Variants in TBC1D32 observed in about 807,000 individuals in gnomAD.
TBC1D32 encodes TBC1 domain family member 32.
Under a neutral mutation model 170.3 loss-of-function variants are expected in TBC1D32, and 151 were observed. That is an observed-to-expected ratio of 0.89 (90% confidence interval 0.78 to 1.01). TBC1D32 has a LOEUF of 1.01. TBC1D32 is among the 50% of genes least tolerant of loss of function. The pLI is 0.00. For synonymous variants in TBC1D32, 498 were observed against 488.0 expected (o/e 1.02, Z -0.27); for missense variants, 1,464 against 1,457.1 (o/e 1.00, Z -0.08).
rs537726751 is a variant in TBC1D32, at chr6:121,264,544, A to T, written c.1734-8259T>A. The stretch of plus-strand genomic sequence containing the variant: ...TATTCCTAACAATTAAAAGGAAGGG[A>T]TTCCTTCCTAACTCATTTTATGAGG... On this transcript the variant is annotated intron_variant, in intron 15 of 31. Coordinates refer to ENST00000398212, the MANE Select transcript of TBC1D32 (RefSeq NM_152730.6). 8.5e-4 allele frequency among the ~76,000 whole-genome samples: 129 copies of T among 152,230 alleles called. 2 individuals are homozygous for T. The highest frequency in any genetic ancestry group is 2.9e-5 in the Non-Finnish European group (2 of 68,002).
chr6:121,103,254 A>G (rs1275076544), intron 30 of TBC1D32, among the ~76,000 whole-genome samples: 3 of 152,128 alleles, frequency 2.0e-5, no homozygotes, highest in Admixed American at 1.3e-4. Context: ...AAAGGATTAT[A>G]AATCATGCTG....
intron 15 of TBC1D32, among the ~76,000 whole-genome samples, chr6:121,276,880 C>T (rs1053978434): frequency 6.6e-6 from 1 of 152,054 alleles, no homozygotes; most frequent in African/African-American, 2.4e-5. Flanking sequence ...TGTGTATGCA[C>T]CTAACAACAA....
Position 121,317,595 on chromosome 6 carries a change from T to A in TBC1D32, c.395A>T (p.Asp132Val), listed in dbSNP as rs749416628. ...CTGCCTTTCTTGATTTCGTGTCTCA[T>A]CTTCTTCAAACTTGTTAATCATAGA... The part of the protein sequence containing the change: ...VESMINKFEE[D>V]ETRNQERQKK... Residue 132 changes from aspartate to valine, a missense_variant, in exon 3 of 32, where the codon GAT becomes GTT. By Grantham distance (152) the Asp-to-Val change is radical (BLOSUM62 -3). This residue lies in a region of TBC1D32 where 1,363 missense variants were observed against 1,338.1 expected (regional missense o/e 1.02). Transcript: ENST00000398212. 14 of 1,612,986 alleles carry A rather than the reference T, an allele frequency of 8.7e-6. No homozygotes were observed. The Admixed American group carries it at 1.8e-4, about 21-fold the overall frequency.
intron 31 of TBC1D32, among the ~76,000 whole-genome samples, chr6:121,089,784 T>G (rs1402132419): frequency 6.6e-6 from 1 of 152,132 alleles, no homozygotes; most frequent in Non-Finnish European, 1.5e-5. Context: ...TATTTAATGG[T>G]AAAAAATAAA....
chr6:121,249,007 T>A (rs1241889909), intron 17 of TBC1D32, among the ~76,000 whole-genome samples: 1 of 151,634 alleles, frequency 6.6e-6, no homozygotes, highest in Non-Finnish European at 1.5e-5. Context: ...AAAAGAAAAC[T>A]ACAGACCAAT....
In TBC1D32 at chr6:121,334,373, A is replaced by G; in HGVS notation, c.58T>C (p.Phe20Leu). 1 of 1,614,220 alleles carries G rather than the reference A, an allele frequency of 6.2e-7. No individual in the cohort carries two copies. Among genetic ancestry groups the G allele is most frequent in the South Asian group, 1.1e-5 (1 of 91,088 alleles). ...AMLQAMLRRL[F>L]QSVKEKITGA... ...GTGATTTTCTCCTTCACGCTCTGGA[A>G]CAACCGCCTCAGCATCGCCTGCAGC... Residue 20 changes from phenylalanine (F) to leucine (L), a missense_variant, in exon 1 of 32, where the codon TTC becomes CTC. This residue lies in a region of TBC1D32 where 1,363 missense variants were observed against 1,338.1 expected (regional missense o/e 1.02). Transcript: ENST00000398212.
At chr6:121,149,164 G>A (rs2128232918) in intron 24 of TBC1D32, among the ~76,000 whole-genome samples, 1 of 152,160 alleles carries the variant, frequency 6.6e-6, no homozygotes, top group South Asian at 2.1e-4. Context: ...ATTATCCGTT[G>A]TCAGATGGAT....
chr6:121,269,062 TGA>T (rs1800964465), intron 15 of TBC1D32, among the ~76,000 whole-genome samples: 1 of 152,120 alleles, frequency 6.6e-6, no homozygotes, highest in Non-Finnish European at 1.5e-5. Flanking sequence ...AAACAAATGC[TGA>T]GAGATTTTGT....
rs754159911 is a variant in TBC1D32, at chr6:121,317,690, T to C, written c.318-18A>G. On this transcript the variant is annotated intron_variant, in intron 2 of 31. Transcript: ENST00000398212. Reference sequence around the variant, plus strand: ...CTTTGTACCTTTAAATTCAAGGTAGTCTTAATAAGAGAAAGACGATCAGAA... The same window carrying C: ...CTTTGTACCTTTAAATTCAAGGTAGCCTTAATAAGAGAAAGACGATCAGAA... The C allele has an allele frequency of 6.6e-7, 1 of 1,522,160 alleles. No homozygotes were observed. Among genetic ancestry groups the C allele is most frequent in the South Asian group, 1.3e-5 (1 of 77,980 alleles). 94.3% of individuals were successfully genotyped at this position (1,522,160 alleles called of 1,614,324 possible).
intron 22 of TBC1D32, among the ~76,000 whole-genome samples, chr6:121,177,248 ATCCCCTTGGTGC>A (rs1787894743): frequency 6.6e-6 from 1 of 152,152 alleles, no homozygotes; most frequent in Admixed American, 6.5e-5. Context: ...GTTTAGCACC[ATCCCCTTGGTGC>A]TGTTCTCATG....
Position 121,227,009 on chromosome 6 carries a change from G to A in TBC1D32, c.2365-3657C>T, listed in dbSNP as rs1446931523. Among the ~76,000 whole-genome samples, 3 of 151,986 alleles carry A rather than the reference G, an allele frequency of 2.0e-5. No homozygotes were observed. In the East Asian group the frequency reaches 5.8e-4, roughly 29 times the overall value. ...ACATTGGAAGAAGAAGAATTGTCTT[G>A]GGCCACACATAAAATACAGTAACAA... On this transcript the variant is annotated intron_variant, in intron 20 of 31. Transcript: ENST00000398212.
chr6:121,215,335 A>AG (rs1793688364), intron 21 of TBC1D32, among the ~76,000 whole-genome samples: 1 of 152,158 alleles, frequency 6.6e-6, no homozygotes, highest in African/African-American at 2.4e-5. Flanking sequence ...GAGTGCCTGC[A>AG]GCTGTGCCTG....
At chr6:121,136,648 G>C (rs140350742) in intron 24 of TBC1D32, among the ~76,000 whole-genome samples, 2 of 152,146 alleles carry the variant, frequency 1.3e-5, no homozygotes, top group East Asian at 1.9e-4. Flanking sequence ...CAAGTGGGTG[G>C]AGAGAAGCTG....
intron 1 of TBC1D32, among the ~76,000 whole-genome samples, chr6:121,331,851 G>A (rs1811264679): frequency 6.6e-6 from 1 of 152,080 alleles, no homozygotes; most frequent in Non-Finnish European, 1.5e-5. Flanking sequence ...CTCCTCCTAA[G>A]ACACAGATCT....
At chr6:121,302,735 T>G (rs1806682401) in intron 9 of TBC1D32, among the ~76,000 whole-genome samples, 1 of 152,164 alleles carries the variant, frequency 6.6e-6, no homozygotes, top group African/African-American at 2.4e-5. Context: ...AACTGTTAGA[T>G]GTAAGGAACA....
chr6:121,270,100 C>A (rs1321876814), intron 15 of TBC1D32, among the ~76,000 whole-genome samples: 1 of 151,982 alleles, frequency 6.6e-6, no homozygotes, highest in Non-Finnish European at 1.5e-5. Context: ...ATCTCTGGGA[C>A]ACATTCAAAG....
chr6:121,268,635 C>T (rs1247407860), intron 15 of TBC1D32, among the ~76,000 whole-genome samples: 3 of 152,144 alleles, frequency 2.0e-5, no homozygotes, highest in Admixed American at 1.3e-4. Context: ...CTACGTCTGA[C>T]TGATGTACCT....
chr6:121,114,296 T>C (rs1456847274), intron 27 of TBC1D32, among the ~76,000 whole-genome samples: 2 of 152,254 alleles, frequency 1.3e-5, no homozygotes, highest in Non-Finnish European at 2.9e-5. Context: ...ATGCCAGCTA[T>C]ATCTTATACT....
At chr6:121,141,561 T>C (rs1782790762) in intron 24 of TBC1D32, among the ~76,000 whole-genome samples, 1 of 152,056 alleles carries the variant, frequency 6.6e-6, no homozygotes, top group Admixed American at 6.5e-5. Context: ...TTCAGCAAAA[T>C]ACAAATCAAA....
Sources: allele counts gnomAD v4.1 joint callset (sites outside exome capture counted in the v4.1 genomes callset), GRCh38; gene constraint gnomAD v4.1.1; regional missense constraint gnomAD v4.1.1; transcripts MANE v1.5; gene names NCBI Gene and HGNC (gene_info 2026-07-23, HGNC 2026-07-21).